The following PDLIM5 variants were observed in gnomAD, a reference collection of about 807,000 sequenced individuals.
PDLIM5 encodes PDZ and LIM domain 5.
Under a neutral mutation model 64.2 loss-of-function variants are expected in PDLIM5, and 34 were observed. That is an observed-to-expected ratio of 0.53 (90% CI 0.40 to 0.71). The LOEUF is 0.71. Ranked by LOEUF, PDLIM5 falls within the 30% of genes least tolerant of loss-of-function variation. PDLIM5 has a pLI of 0.00. For synonymous variants in PDLIM5, 253 were observed against 269.1 expected, an observed-to-expected ratio of 0.94 and a Z score of 0.59; for missense variants, 683 against 733.6, an observed-to-expected ratio of 0.93 and a Z score of 0.80.
At chr4:94,637,932 G>A (rs6829381) in intron 8 of PDLIM5, among the ~76,000 whole-genome samples, 55,509 of 151,928 alleles carry the variant, frequency 0.37, 11,175 homozygotes, top group South Asian at 0.61. Context: ...GGATTAGAAC[G>A]GAAGGACAGA....
At chr4:94,478,890 GT>G (rs67013211) in intron 2 of PDLIM5, among the ~76,000 whole-genome samples, 64 of 94,082 alleles carry the variant, frequency 6.8e-4, no homozygotes, top group Middle Eastern at 6.0e-3. Context: ...TGTGCTTGGT[GT>G]TTTTTTTTTT....
intron 3 of PDLIM5, among the ~76,000 whole-genome samples, chr4:94,560,232 G>A (rs1438575690): frequency 6.6e-6 from 1 of 152,138 alleles, no homozygotes; most frequent in African/African-American, 2.4e-5. Context: ...ACATGTAACT[G>A]CTTTCTCTTT....
chr4:94,655,626 A>G (rs1354831048), intron 10 of PDLIM5, among the ~76,000 whole-genome samples: 2 of 152,222 alleles, frequency 1.3e-5, no homozygotes, highest in Non-Finnish European at 2.9e-5. Context: ...AAGAAGTGGA[A>G]TGGTTCAGAC....
At chr4:94,587,445 C>A in intron 7 of PDLIM5, 1 of 964,200 alleles carries the variant, frequency 1.0e-6, no homozygotes, top group Non-Finnish European at 1.2e-6. Flanking sequence ...AAATAAAGTC[C>A]TTGTCTAATT....
intron 2 of PDLIM5, among the ~76,000 whole-genome samples, chr4:94,472,285 T>C (rs1189471167): frequency 6.6e-6 from 1 of 152,188 alleles, no homozygotes; most frequent in Non-Finnish European, 1.5e-5. Context: ...TTCTTCCATC[T>C]GTCATGGTCT....
chr4:94,649,313 A>G (rs186631010), intron 9 of PDLIM5, among the ~76,000 whole-genome samples: 133 of 152,164 alleles, frequency 8.7e-4, no homozygotes, highest in African/African-American at 3.2e-3. Flanking sequence ...CCTTTTTGCT[A>G]TTTACAGTTA....
intron 2 of PDLIM5, among the ~76,000 whole-genome samples, chr4:94,494,760 GT>G: frequency 6.7e-6 from 1 of 149,866 alleles, no homozygotes. Flanking sequence ...TGCTATCGTT[GT>G]TTTTTGTGAC....
chr4:94,607,764 C>G (rs1245644848), intron 7 of PDLIM5, among the ~76,000 whole-genome samples: 5 of 152,034 alleles, frequency 3.3e-5, no homozygotes, highest in African/African-American at 9.7e-5. Flanking sequence ...TTAAAGCATT[C>G]AAAACACGTA....
chr4:94,561,501 T>C (rs1733841414), intron 3 of PDLIM5, among the ~76,000 whole-genome samples: 1 of 152,232 alleles, frequency 6.6e-6, no homozygotes, highest in Admixed American at 6.5e-5. Context: ...TGCGTGCTTT[T>C]TCGTTTATCG....
At chr4:94,522,635 C>T (rs1729933366) in intron 2 of PDLIM5, among the ~76,000 whole-genome samples, 2 of 152,148 alleles carry the variant, frequency 1.3e-5, no homozygotes, top group Admixed American at 1.3e-4. Flanking sequence ...CTCGGCCTCC[C>T]AAAGTAGTTT....
At chr4:94,549,211 A>C (rs1732586019) in intron 3 of PDLIM5, among the ~76,000 whole-genome samples, 1 of 152,160 alleles carries the variant, frequency 6.6e-6, no homozygotes. Context: ...TAATGCCTGC[A>C]AGTGTCATAT....
In PDLIM5 at chr4:94,664,001, T is replaced by G. The variant is rs1478367490; in HGVS notation, c.1725T>G (p.Gly575=). The G allele has an allele frequency of 6.2e-7, 1 of 1,607,368 alleles. No individual in the cohort carries two copies. ...AGGTGTGTTGTGAAAGTTTGGAAGG[T>G]CAGACCTTTTTCTCCAAGAAGGACA... ...VCSVCCESLE[G]QTFFSKKDKP... is the part of the protein sequence containing the mutation. The change falls in exon 13 of 13, where the codon GGT becomes GGG. Residue 575 remains glycine (G), a synonymous_variant. Coordinates refer to ENST00000317968, the MANE Select transcript of PDLIM5 (RefSeq NM_006457.5).
intron 9 of PDLIM5, among the ~76,000 whole-genome samples, chr4:94,650,739 A>C (rs1464327955): frequency 6.6e-6 from 1 of 152,124 alleles, no homozygotes; most frequent in Non-Finnish European, 1.5e-5. Context: ...AGTTCCTTTC[A>C]CCTTTGTATT....
intron 7 of PDLIM5, among the ~76,000 whole-genome samples, chr4:94,609,943 A>C (rs1228994184): frequency 6.6e-6 from 1 of 152,238 alleles, no homozygotes; most frequent in African/African-American, 2.4e-5. Context: ...CGTATGTCCA[A>C]ATCAGCTTTA....
At chr4:94,645,469 A>G (rs937865251) in intron 9 of PDLIM5, among the ~76,000 whole-genome samples, 2 of 152,212 alleles carry the variant, frequency 1.3e-5, no homozygotes, top group Admixed American at 6.5e-5. Flanking sequence ...AGAGGCTTAG[A>G]TTAATTTGCC....
intron 3 of PDLIM5, among the ~76,000 whole-genome samples, chr4:94,563,122 A>G (rs1240144534): frequency 6.6e-6 from 1 of 152,184 alleles, no homozygotes; most frequent in Admixed American, 6.5e-5. Context: ...ATCACAAATA[A>G]TATAAGAAGT....
intron 7 of PDLIM5, chr4:94,588,212 C>T: frequency 1.0e-6 from 1 of 959,298 alleles, no homozygotes; most frequent in Non-Finnish European, 1.2e-6. Context: ...ATAAACAATT[C>T]TCTGACATTT....
At chr4:94,483,441 A>G (rs545155689) in intron 2 of PDLIM5, among the ~76,000 whole-genome samples, 13 of 152,282 alleles carry the variant, frequency 8.5e-5, no homozygotes, top group Admixed American at 2.6e-4. Flanking sequence ...ATTGTCATTC[A>G]TAAGTATATA....
chr4:94,625,492 G>A (rs1308246386), intron 8 of PDLIM5, among the ~76,000 whole-genome samples: 3 of 138,776 alleles, frequency 2.2e-5, no homozygotes, highest in Admixed American at 7.3e-5. Flanking sequence ...TCTCTGTGTT[G>A]CCCAGGCTGG....
Sources: allele counts gnomAD v4.1 joint callset (sites outside exome capture counted in the v4.1 genomes callset), GRCh38; gene constraint gnomAD v4.1.1; transcripts MANE v1.5; gene names NCBI Gene and HGNC (gene_info 2026-07-23, HGNC 2026-07-21).